The following ERN1 variants were observed in gnomAD, a reference collection of about 807,000 sequenced individuals.
ERN1 encodes the protein endoplasmic reticulum to nucleus signaling 1.
In ERN1, 39 loss-of-function variants were observed where a neutral mutation model predicts 113.1. That is an observed-to-expected ratio of 0.34 (90% CI 0.27 to 0.45). ERN1 has a LOEUF of 0.45. Ranked by LOEUF, ERN1 falls within the 20% of genes least tolerant of loss-of-function variation. The probability of loss-of-function intolerance (pLI) is 1.00; values close to 1 mark genes in which losing one functional copy is unlikely to be tolerated. For synonymous variants in ERN1, 507 were observed against 515.9 expected (o/e 0.98, Z 0.23); for missense variants, 976 against 1,274.8 (o/e 0.77, Z 3.57).
intron 2 of ERN1, among the ~76,000 whole-genome samples, chr17:64,093,486 A>G (rs760686690): frequency 6.6e-5 from 10 of 152,192 alleles, no homozygotes; most frequent in Non-Finnish European, 1.3e-4. Flanking sequence ...CATAGACTAG[A>G]GGGCTTGAAC....
intron 1 of ERN1, chr17:64,129,750 G>C (rs1915184173): frequency 5.0e-6 from 2 of 397,278 alleles, no homozygotes; most frequent in Non-Finnish European, 4.4e-6. Flanking sequence ...GAGGCTCTTC[G>C]GGCGGCCGAC....
In ERN1 at chr17:64,054,324, G is replaced by A. The variant is rs148845267; in HGVS notation, c.1879C>T (p.Arg627Cys). ...CGGTCCTTCTCCGTGCAGAAGTAGC[G>A]GATCACGTTCGGGTGCTCATCCGAT... ...RESDEHPNVI[R>C]YFCTEKDRQF... The change falls in exon 15 of 22, where the codon CGC becomes TGC. Residue 627 changes from arginine to cysteine, a missense_variant. Arg to Cys is a radical substitution (Grantham distance 180). Coordinates refer to ENST00000433197, the MANE Select transcript of ERN1 (RefSeq NM_001433.5). The surrounding 1 kb of genome is among the most constrained non-coding windows in gnomAD (Gnocchi z 4.9). 9.9e-6 allele frequency: 16 copies of A among 1,613,634 alleles called. No homozygotes were observed. Among genetic ancestry groups the A allele is most frequent in the East Asian group, 2.2e-5 (1 of 44,882 alleles).
intron 1 of ERN1, among the ~76,000 whole-genome samples, chr17:64,106,815 TAC>T (rs929551094): frequency 6.6e-6 from 1 of 150,484 alleles, no homozygotes; most frequent in East Asian, 2.0e-4. Flanking sequence ...GGGTTTCTTA[TAC>T]ACACACACAA....
intron 2 of ERN1, among the ~76,000 whole-genome samples, chr17:64,084,947 C>T (rs1275164004): frequency 3.3e-5 from 5 of 152,204 alleles, no homozygotes; most frequent in African/African-American, 1.2e-4. Context: ...TCACCTCCTA[C>T]TGCCCAGGAT....
chr17:64,063,953 C>T lies in ERN1; in HGVS notation c.1087+33G>A. The T allele has an allele frequency of 2.5e-6, 4 of 1,606,744 alleles. No individual in the cohort carries two copies. Among genetic ancestry groups the T allele is most frequent in the Non-Finnish European group, 8.5e-7 (1 of 1,175,224 alleles). On this transcript the variant is annotated intron_variant, in intron 10 of 21. Coordinates refer to ENST00000433197, the MANE Select transcript of ERN1 (RefSeq NM_001433.5). The surrounding 1 kb of genome is among the most constrained non-coding windows in gnomAD (Gnocchi z 5.1). ...CGCCCACCAGGAGGCAGCACGCTGT[C>T]ACCTCAGGCTACTGTGGGAGACCTG...
At chr17:64,110,067 G>C (rs2143479911) in intron 1 of ERN1, among the ~76,000 whole-genome samples, 1 of 152,258 alleles carries the variant, frequency 6.6e-6, no homozygotes, top group African/African-American at 2.4e-5. Context: ...TGTTCAGCAT[G>C]AAAATTCCTG....
At chr17:64,106,869 G>A (rs1041241102) in intron 1 of ERN1, among the ~76,000 whole-genome samples, 2 of 152,024 alleles carry the variant, frequency 1.3e-5, no homozygotes, top group Middle Eastern at 3.4e-3. Context: ...CAAAACAACA[G>A]GAAGAAGTAC....
At chr17:64,098,369 G>A in intron 1 of ERN1, 128 bp from the exon 2 acceptor site, 1 of 1,210,348 alleles carries the variant, frequency 8.3e-7, no homozygotes, top group South Asian at 1.2e-5. Context: ...AGAAATGGAA[G>A]GTGGAGAGCC....
intron 19 of ERN1, among the ~76,000 whole-genome samples, chr17:64,047,029 G>T (rs1336677136): frequency 1.3e-5 from 2 of 152,192 alleles, no homozygotes; most frequent in East Asian, 3.8e-4. Flanking sequence ...TGTAAAAGAT[G>T]ATAGAAACAA....
At chr17:64,072,303 T>G (rs951101803) in intron 5 of ERN1, among the ~76,000 whole-genome samples, 200 bp from the exon 6 acceptor site, 2 of 152,240 alleles carry the variant, frequency 1.3e-5, no homozygotes, top group African/African-American at 4.8e-5. Flanking sequence ...TTTAATAACC[T>G]AAACATGGTA....
At chr17:64,116,544 C>G (rs949207498) in intron 1 of ERN1, among the ~76,000 whole-genome samples, 8 of 152,002 alleles carry the variant, frequency 5.3e-5, no homozygotes, top group Non-Finnish European at 1.0e-4. Flanking sequence ...TCAGAGATTC[C>G]CCAAATTTGT....
intron 5 of ERN1, among the ~76,000 whole-genome samples, chr17:64,074,229 C>T (rs1445324500): frequency 4.6e-5 from 7 of 152,140 alleles, no homozygotes; most frequent in South Asian, 2.1e-4. Context: ...TTAATGAACT[C>T]GCCTAAGAGG....
At chr17:64,073,389 A>C (rs1193548713) in intron 5 of ERN1, among the ~76,000 whole-genome samples, 1 of 137,502 alleles carries the variant, frequency 7.3e-6, no homozygotes, top group Admixed American at 7.9e-5. Context: ...GTTAGTCAGG[A>C]TGGTCTCCAT....
At chr17:64,125,582 A>G (rs1915059863) in intron 1 of ERN1, among the ~76,000 whole-genome samples, 1 of 152,136 alleles carries the variant, frequency 6.6e-6, no homozygotes, top group Non-Finnish European at 1.5e-5. Context: ...TCTACCTCCC[A>G]GGTTCAAGCG....
intron 9 of ERN1, among the ~76,000 whole-genome samples, chr17:64,064,751 G>T (rs1913164437): frequency 6.6e-6 from 1 of 152,226 alleles, no homozygotes; most frequent in African/African-American, 2.4e-5. Context: ...CATGCAAAGG[G>T]TTTGAGTAGG....
intron 1 of ERN1, among the ~76,000 whole-genome samples, chr17:64,116,959 A>AC (rs1232803494): frequency 2.6e-5 from 4 of 151,104 alleles, no homozygotes; most frequent in Non-Finnish European, 5.9e-5. Flanking sequence ...AAAAAAAAAA[A>AC]AAAAAAGCCA....
rs564878774 is a variant in ERN1, at chr17:64,121,164, C to T, written c.54+8812G>A. On this transcript the variant is annotated intron_variant, in intron 1 of 21. Transcript: ENST00000433197. ...GAATCCCTCCATTGTGGTTTAAGAG[C>T]CAGAGTCACAGCCACTGTCTCTCTC... 8.5e-5 allele frequency among the ~76,000 whole-genome samples: 13 copies of T among 152,310 alleles called. No individual in the cohort carries two copies. The South Asian group carries it at 2.5e-3, about 29-fold the overall frequency.
chr17:64,052,378 A>G (rs1309563836), intron 17 of ERN1, among the ~76,000 whole-genome samples: 4 of 152,112 alleles, frequency 2.6e-5, no homozygotes, highest in African/African-American at 4.8e-5. Flanking sequence ...GGTGGCAGGT[A>G]CCTGTAATCC....
At chr17:64,129,605 A>T (rs940907399) in intron 1 of ERN1, 7 of 363,338 alleles carry the variant, frequency 1.9e-5, no homozygotes, top group Non-Finnish European at 3.4e-5. Context: ...CGCGAGGAGG[A>T]GGGTCCCGCA....
Sources: allele counts gnomAD v4.1 joint callset (sites outside exome capture counted in the v4.1 genomes callset), GRCh38; gene constraint gnomAD v4.1.1; non-coding constraint Gnocchi (gnomAD v3.1); transcripts MANE v1.5; gene names NCBI Gene and HGNC (gene_info 2026-07-23, HGNC 2026-07-21).